Variants in GCC2 observed in about 807,000 individuals in gnomAD.
GCC2 encodes the protein GRIP and coiled-coil domain containing 2, also known as GRIP and coiled-coil domain-containing protein 2.
In GCC2, 120 loss-of-function variants were observed where a neutral mutation model predicts 210.6. That is an observed-to-expected ratio of 0.57 (90% CI 0.49 to 0.66). GCC2 has a LOEUF of 0.66. Ranked by LOEUF, GCC2 falls within the 30% of genes least tolerant of loss-of-function variation. The pLI, the probability that GCC2 is intolerant of heterozygous loss-of-function variation, is 0.00. For synonymous variants in GCC2, 703 were observed against 652.7 expected, an observed-to-expected ratio of 1.08 and a Z score of -1.17; for missense variants, 1,868 against 1,871.9, an observed-to-expected ratio of 1.00 and a Z score of 0.04.
intron 9 of GCC2, 33 bp from the exon 10 acceptor site, chr2:108,481,664 A>G (rs1681856766): frequency 6.5e-7 from 1 of 1,549,574 alleles, no homozygotes; most frequent in African/African-American, 1.4e-5. Context: ...ATGCAAAATT[A>G]TATACCAAAG....
intron 4 of GCC2, among the ~76,000 whole-genome samples, chr2:108,459,352 T>A (rs2378114): frequency 0.19 from 28,829 of 152,092 alleles, 3,081 homozygotes; most frequent in African/African-American, 0.27. Context: ...ATACTTGATA[T>A]GATTTTGATT....
At chr2:108,506,916 A>G (rs1262219145) in intron 22 of GCC2, among the ~76,000 whole-genome samples, 5 of 151,982 alleles carry the variant, frequency 3.3e-5, no homozygotes, top group Non-Finnish European at 5.9e-5. Context: ...TTTGTAAATA[A>G]TCATTTCTGC....
chr2:108,483,475 T>C (rs1272260937), intron 12 of GCC2, among the ~76,000 whole-genome samples: 1 of 152,180 alleles, frequency 6.6e-6, no homozygotes, highest in African/African-American at 2.4e-5. Flanking sequence ...TCCGCCCATC[T>C]CAGCCTCCCA....
At chr2:108,465,473 A>G (rs1680831678) in intron 4 of GCC2, among the ~76,000 whole-genome samples, 2 of 152,078 alleles carry the variant, frequency 1.3e-5, no homozygotes, top group South Asian at 4.1e-4. Flanking sequence ...CATTATACCT[A>G]CTGTGTAGTT....
chr2:108,498,349 C>T (rs1682753429), intron 21 of GCC2, among the ~76,000 whole-genome samples: 2 of 151,528 alleles, frequency 1.3e-5, no homozygotes, highest in African/African-American at 4.8e-5. Context: ...GCACGCACCA[C>T]CATGCCCGGC....
chr2:108,465,492 C>G (rs1680832636), intron 4 of GCC2, among the ~76,000 whole-genome samples: 1 of 152,132 alleles, frequency 6.6e-6, no homozygotes, highest in Non-Finnish European at 1.5e-5. Context: ...TTTTTTATCC[C>G]TAGCTCCCCT....
At chr2:108,485,503 T>C in intron 13 of GCC2, 133 bp from the exon 14 acceptor site, 1 of 560,772 alleles carries the variant, frequency 1.8e-6, no homozygotes. Flanking sequence ...GTCACATATG[T>C]TTGAAGTATT....
chr2:108,475,382 CCA>C (rs1185328190), intron 7 of GCC2, 151 bp from the exon 8 acceptor site: 3 of 463,288 alleles, frequency 6.5e-6, no homozygotes, highest in African/African-American at 6.1e-5. Context: ...GAATAAAATT[CCA>C]CTTTAAAAAA....
rs1439543677 is a variant in GCC2 at position 108,472,089 on chromosome 2, TAGG to T, written c.2763_2765del (p.Arg922del). The T allele has an allele frequency of 1.9e-6, 3 of 1,558,086 alleles. No homozygotes were observed. The highest frequency in any genetic ancestry group is 8.6e-7 in the Non-Finnish European group (1 of 1,161,010). On this transcript the variant is annotated inframe_deletion, in exon 6 of 23. Coordinates refer to ENST00000309863, the MANE Select transcript of GCC2 (RefSeq NM_181453.4). ...TACTAGAACAAAAAGAATTACGAGATAGGAGAGCAGAGTTGATACTATTAAAGG... is the reference window on the plus strand; with the variant it reads ...TACTAGAACAAAAAGAATTACGAGATAGAGCAGAGTTGATACTATTAAAGG...
chr2:108,475,749 C>T lies in GCC2; in HGVS notation c.2962-3C>T, dbSNP rs1681480329. On this transcript the variant is annotated splice_polypyrimidine_tract_variant and splice_region_variant and intron_variant, in intron 8 of 22. Transcript: ENST00000309863. Reference sequence around the variant, plus strand: ...TCTTTAATTTTACTTGTGTTTAAAACAGACCCAGACTGTGAAGGAAGAACT... The same window carrying T: ...TCTTTAATTTTACTTGTGTTTAAAATAGACCCAGACTGTGAAGGAAGAACT... 4 of 1,585,422 alleles carry T rather than the reference C, an allele frequency of 2.5e-6. No homozygotes were observed. Among genetic ancestry groups the T allele is most frequent in the African/African-American group, 1.4e-5 (1 of 73,434 alleles).
In GCC2 at chr2:108,487,756, G is replaced by A. The variant is rs751132179; in HGVS notation, c.3988G>A (p.Val1330Ile). Residue 1330 changes from valine to isoleucine, a missense_variant, in exon 17 of 23, where the codon GTT becomes ATT. Around this residue, in one of 3 missense-constraint regions of GCC2, gnomAD observed 1,847 missense variants for 1,765.2 expected, o/e 1.05. Transcript: ENST00000309863. Reference protein sequence around the residue: ...FESYKVRVHNVLKQQKNKSMS... With the variant: ...FESYKVRVHNILKQQKNKSMS... ...GAGCTACAAAGTCCGAGTTCATAAT[G>A]TTCTAAAACAACAGAAAAATAAATC... 1 of 1,613,302 alleles carries A rather than the reference G, an allele frequency of 6.2e-7. No homozygotes were observed. The highest frequency in any genetic ancestry group is 1.1e-5 in the South Asian group (1 of 91,064).
chr2:108,492,119 G>T (rs1682430425), intron 18 of GCC2, among the ~76,000 whole-genome samples: 1 of 150,594 alleles, frequency 6.6e-6, no homozygotes, highest in Admixed American at 6.6e-5. Context: ...AAAGTTTTCT[G>T]AGTAAATCAG....
Position 108,469,781 on chromosome 2 carries a change from A to C in GCC2, c.452A>C (p.Asn151Thr). 1 of 1,613,952 alleles carries C rather than the reference A, an allele frequency of 6.2e-7. No individual in the cohort carries two copies. Residue 151 changes from asparagine to threonine, a missense_variant, in exon 6 of 23, where the codon AAC (asparagine) becomes ACC (threonine). Coordinates refer to ENST00000309863, the MANE Select transcript of GCC2 (RefSeq NM_181453.4). ...VRSKYSEDKA[N>T]LQKQLEEAMN... is the part of the protein sequence containing the mutation. ...TCCAAATACAGTGAAGACAAAGCTA[A>C]CTTACAAAAGCAGCTGGAAGAAGCA...
intron 15 of GCC2, among the ~76,000 whole-genome samples, chr2:108,486,123 C>G (rs1177797293): frequency 6.6e-6 from 1 of 152,034 alleles, no homozygotes; most frequent in African/African-American, 2.4e-5. Context: ...TCATAATATA[C>G]TATAGAATAG....
In GCC2 at chr2:108,471,289, G is replaced by A; in HGVS notation, c.1960G>A (p.Glu654Lys). 6.2e-7 allele frequency: 1 copy of A among 1,611,612 alleles called. No homozygotes were observed. The part of the protein sequence containing the change: ...KVNELTGGLE[E>K]TLKEKDQNDQ... ...AAATGAATTAACAGGAGGACTAGAG[G>A]AGACTTTAAAAGAAAAGGATCAAAA... The change falls in exon 6 of 23, where the codon GAG (glutamate) becomes AAG (lysine). Residue 654 changes from glutamate to lysine, a missense_variant. Coordinates refer to ENST00000309863, the MANE Select transcript of GCC2 (RefSeq NM_181453.4).
At chr2:108,452,489 T>C (rs1222278140) in intron 4 of GCC2, 23 bp downstream of exon 4, 3 of 1,361,644 alleles carry the variant, frequency 2.2e-6, no homozygotes, top group Non-Finnish European at 1.0e-6. Flanking sequence ...TTGGGAAATG[T>C]CTAAAGAGAA....
Position 108,470,719 on chromosome 2 carries a change from GAA to G in GCC2, c.1391_1392del (p.Glu464AlafsTer3). On this transcript the variant is annotated frameshift_variant, in exon 6 of 23. Transcript: ENST00000309863. LOFTEE classifies it high-confidence loss of function. The part of the protein sequence containing the change: ...TLMFEIQGLK[E>X]QCENLQQEKQ... ...AATGTTTGAAATACAGGGTCTTAAG[GAA>G]CAGTGTGAAAACCTACAGCAAGAAA... The G allele has an allele frequency of 6.2e-7, 1 of 1,612,650 alleles. No individual in the cohort carries two copies. The highest frequency in any genetic ancestry group is 1.1e-5 in the South Asian group (1 of 90,872).
At chr2:108,481,923 C>A (rs1316017183) in intron 10 of GCC2, 107 bp downstream of exon 10, 2 of 761,238 alleles carry the variant, frequency 2.6e-6, no homozygotes, top group Non-Finnish European at 2.0e-6. Flanking sequence ...AGAATTTATT[C>A]CCCCCCCACT....
Position 108,480,730 on chromosome 2 carries a change from A to G in GCC2, c.3061-967A>G, listed in dbSNP as rs532681131. On this transcript the variant is annotated intron_variant, in intron 9 of 22. Coordinates refer to ENST00000309863, the MANE Select transcript of GCC2 (RefSeq NM_181453.4). ...ACACATGGACACATACAGAGGAACAACAGACACTGGGGCCTAACAGAAGGT... is the reference window on the plus strand; with the variant it reads ...ACACATGGACACATACAGAGGAACAGCAGACACTGGGGCCTAACAGAAGGT... 9.5e-5 allele frequency among the ~76,000 whole-genome samples: 14 copies of G among 147,760 alleles called. No individual in the cohort carries two copies. The East Asian group carries it at 2.7e-3, about 29-fold the overall frequency.
Sources: allele counts gnomAD v4.1 joint callset (sites outside exome capture counted in the v4.1 genomes callset), GRCh38; gene constraint gnomAD v4.1.1; regional missense constraint gnomAD v4.1.1; transcripts MANE v1.5; gene names NCBI Gene and HGNC (gene_info 2026-07-23, HGNC 2026-07-21).